BEND6: variants seen among roughly 807,000 people sequenced by gnomAD.
BEND6 encodes BEN domain-containing protein 6.
BEND6 carries 24 observed loss-of-function variants against 31.8 expected under a neutral mutation model. The ratio of observed to expected loss-of-function variants is 0.75; its 90% confidence interval spans 0.55 to 1.06. BEND6 has a LOEUF of 1.06. BEND6 is among the 50% of genes least tolerant of loss of function. The pLI, the probability that BEND6 is intolerant of heterozygous loss-of-function variation, is 0.00. For missense variants in BEND6, 294 were observed against 327.4 expected, an observed-to-expected ratio of 0.90 and a Z score of 0.79; for synonymous variants, 109 against 114.6, an observed-to-expected ratio of 0.95 and a Z score of 0.31.
At chr6:57,005,845 A>G (rs1203144630) in intron 3 of BEND6, among the ~76,000 whole-genome samples, 3 of 152,172 alleles carry the variant, frequency 2.0e-5, no homozygotes, top group Non-Finnish European at 2.9e-5. Flanking sequence ...ACCTGAAAGA[A>G]TAAACCGGCA....
chr6:57,009,524 A>G (rs1047683001), intron 3 of BEND6: 4 of 152,216 alleles, frequency 2.6e-5, no homozygotes, highest in African/African-American at 9.6e-5. Flanking sequence ...TGCCCTTGTA[A>G]TATCATTAAC....
intron 4 of BEND6, among the ~76,000 whole-genome samples, chr6:57,016,217 G>GC (rs1322623148): frequency 3.3e-5 from 5 of 152,118 alleles, no homozygotes; most frequent in Non-Finnish European, 7.4e-5. Context: ...TTAGAATCAG[G>GC]TAGCCTCAGT....
chr6:56,965,689 T>TATAA (rs1383110344), intron 1 of BEND6, among the ~76,000 whole-genome samples: 1 of 148,098 alleles, frequency 6.8e-6, no homozygotes, highest in Non-Finnish European at 1.5e-5. Context: ...TATATATATA[T>TATAA]ATATATATAT....
chr6:56,970,194 AT>A (rs930902915), intron 1 of BEND6, among the ~76,000 whole-genome samples: 30 of 147,952 alleles, frequency 2.0e-4, no homozygotes, highest in Non-Finnish European at 3.0e-4. Flanking sequence ...CTCCAACCAC[AT>A]TTTTTTTTTC....
chr6:56,991,400 G>A (rs1428810021), intron 2 of BEND6, among the ~76,000 whole-genome samples: 1 of 151,464 alleles, frequency 6.6e-6, no homozygotes, highest in Non-Finnish European at 1.5e-5. Context: ...TTTGAGACAG[G>A]GTATCCCTCT....
chr6:57,000,296 G>A (rs953454061), intron 3 of BEND6, among the ~76,000 whole-genome samples: 6 of 152,114 alleles, frequency 3.9e-5, no homozygotes, highest in Non-Finnish European at 5.9e-5. Context: ...CCCCAACCCC[G>A]TGCTCTCTGA....
chr6:57,004,631 G>T, intron 3 of BEND6: 1 of 1,105,172 alleles, frequency 9.0e-7, no homozygotes, highest in South Asian at 1.2e-5. Flanking sequence ...CCCCTCCTAC[G>T]TGGGCTGAAT....
intron 1 of BEND6, among the ~76,000 whole-genome samples, chr6:56,959,551 G>C (rs1238452544): frequency 1.3e-5 from 2 of 152,156 alleles, no homozygotes; most frequent in Non-Finnish European, 2.9e-5. Context: ...ACATGTGCTT[G>C]TATTAAAAGG....
At chr6:56,976,190 G>T in intron 1 of BEND6, 3 of 174,622 alleles carry the variant, frequency 1.7e-5, no homozygotes, top group East Asian at 1.7e-4. Flanking sequence ...TAAAATTAGT[G>T]TTAGTGCTTT....
At chr6:56,990,057 T>TTGTGTATGTGCATGTGTGTATG (rs1269244980) in intron 2 of BEND6, among the ~76,000 whole-genome samples, 1 of 152,170 alleles carries the variant, frequency 6.6e-6, no homozygotes, top group Non-Finnish European at 1.5e-5. Flanking sequence ...CCATCTGAAG[T>TTGTGTATGTGCATGTGTGTATG]TGTGTATGTG....
At chr6:56,989,124 ATATAT>A (rs200372903) in intron 2 of BEND6, among the ~76,000 whole-genome samples, 1,596 of 150,544 alleles carry the variant, frequency 0.011, 24 homozygotes, top group African/African-American at 0.035. Flanking sequence ...TTCTATATAA[ATATAT>A]TATATATTAT....
chr6:56,982,042 ATTTC>A, intron 2 of BEND6, 112 bp downstream of exon 2: 3 of 1,203,472 alleles, frequency 2.5e-6, no homozygotes, highest in Admixed American at 2.7e-5. Context: ...AATTCTTTTC[ATTTC>A]TTTATTCAAT....
chr6:56,962,399 G>A (rs1825322965), intron 1 of BEND6, among the ~76,000 whole-genome samples: 2 of 152,172 alleles, frequency 1.3e-5, no homozygotes, highest in Non-Finnish European at 2.9e-5. Flanking sequence ...TATGAAGCTG[G>A]TTATTTCATT....
intron 2 of BEND6, among the ~76,000 whole-genome samples, chr6:56,987,792 G>T (rs1434920848): frequency 6.6e-6 from 1 of 151,710 alleles, no homozygotes; most frequent in Admixed American, 6.6e-5. Context: ...AAACTTCTAG[G>T]TTTGTATCCT....
chr6:56,990,370 C>T (rs1485408803), intron 2 of BEND6, among the ~76,000 whole-genome samples: 1 of 151,570 alleles, frequency 6.6e-6, no homozygotes, highest in Non-Finnish European at 1.5e-5. Flanking sequence ...TCTCAGCCCC[C>T]CGAGTAACCA....
At chr6:56,996,037 G>T (rs190379048) in intron 3 of BEND6, among the ~76,000 whole-genome samples, 1 of 152,220 alleles carries the variant, frequency 6.6e-6, no homozygotes, top group Non-Finnish European at 1.5e-5. Flanking sequence ...CCATTTAGCT[G>T]ATTCATTGTC....
chr6:56,991,285 T>G (rs975049259), intron 2 of BEND6, among the ~76,000 whole-genome samples: 2 of 152,164 alleles, frequency 1.3e-5, no homozygotes, highest in Non-Finnish European at 2.9e-5. Context: ...TCTCAGGATT[T>G]AAACATAAAT....
At chr6:56,993,306 A>AGCACTCAGTT (rs1431027266) in intron 3 of BEND6, among the ~76,000 whole-genome samples, 1 of 152,220 alleles carries the variant, frequency 6.6e-6, no homozygotes, top group Non-Finnish European at 1.5e-5. Flanking sequence ...CTATGTTGGC[A>AGCACTCAGTT]GCACTCAGTT....
intron 3 of BEND6, chr6:57,009,098 A>T (rs1827261772): frequency 6.6e-6 from 1 of 152,224 alleles, no homozygotes; most frequent in Admixed American, 6.5e-5. Context: ...CATAGAAGTA[A>T]AAAGTAGAAC....
Sources: allele counts gnomAD v4.1 joint callset (sites outside exome capture counted in the v4.1 genomes callset), GRCh38; gene constraint gnomAD v4.1.1; transcripts MANE v1.5; gene names NCBI Gene and HGNC (gene_info 2026-07-23, HGNC 2026-07-21).